The following OSBPL10 variants were observed in gnomAD, a reference collection of about 807,000 sequenced individuals.
OSBPL10 encodes the protein oxysterol-binding protein-related protein 10.
In OSBPL10, 49 loss-of-function variants were observed where a neutral mutation model predicts 81.7. That is an observed-to-expected ratio of 0.60 (90% CI 0.48 to 0.76). OSBPL10 has a LOEUF of 0.76. Ranked by LOEUF, OSBPL10 falls within the 30% of genes least tolerant of loss-of-function variation. OSBPL10 has a pLI of 0.00. For missense variants in OSBPL10, 923 were observed against 987.8 expected (o/e 0.93, Z 0.88); for synonymous variants, 419 against 383.6 (o/e 1.09, Z -1.08).
chr3:31,833,482 C>G (rs1316562965), intron 3 of OSBPL10, among the ~76,000 whole-genome samples: 2 of 152,146 alleles, frequency 1.3e-5, no homozygotes, highest in South Asian at 2.1e-4. Context: ...GCTGCATGGA[C>G]AAAGTTTGTT....
chr3:31,766,657 T>C (rs919040613), intron 4 of OSBPL10, among the ~76,000 whole-genome samples: 1 of 152,138 alleles, frequency 6.6e-6, no homozygotes, highest in African/African-American at 2.4e-5. Flanking sequence ...AATTCTGACA[T>C]TCATGAGCTA....
chr3:31,672,775 G>A (rs1459342849), intron 8 of OSBPL10, among the ~76,000 whole-genome samples: 1 of 151,978 alleles, frequency 6.6e-6, no homozygotes, highest in East Asian at 1.9e-4. Context: ...ATGTGATTAG[G>A]GGCCTCAATC....
At chr3:32,055,516 A>G (rs976164035) in intron 1 of OSBPL10, among the ~76,000 whole-genome samples, 2 of 151,984 alleles carry the variant, frequency 1.3e-5, no homozygotes. Flanking sequence ...AGTAAAGTAT[A>G]CTCCTATAAA....
intron 3 of OSBPL10, among the ~76,000 whole-genome samples, chr3:31,869,869 G>T (rs948195707): frequency 6.6e-6 from 1 of 152,214 alleles, no homozygotes; most frequent in South Asian, 2.1e-4. Context: ...CTAGTATAAA[G>T]TATTAATTAT....
At chr3:31,947,850 G>C (rs990809026) in intron 1 of OSBPL10, among the ~76,000 whole-genome samples, 1 of 152,222 alleles carries the variant, frequency 6.6e-6, no homozygotes, top group Non-Finnish European at 1.5e-5. Flanking sequence ...GGAGAAACTG[G>C]AAGAAGGTGA....
intron 4 of OSBPL10, among the ~76,000 whole-genome samples, chr3:31,754,742 G>A (rs1697837166): frequency 1.3e-5 from 2 of 152,088 alleles, no homozygotes; most frequent in Admixed American, 1.3e-4. Context: ...AGCAGCCAGA[G>A]GCAATGAATA....
chr3:31,725,679 A>G (rs1478363354), intron 6 of OSBPL10, among the ~76,000 whole-genome samples: 2 of 152,202 alleles, frequency 1.3e-5, no homozygotes, highest in African/African-American at 4.8e-5. Context: ...CCATGGATGA[A>G]TCTTTCATCA....
At chr3:31,761,739 C>T (rs1265953339) in intron 4 of OSBPL10, among the ~76,000 whole-genome samples, 10 of 147,692 alleles carry the variant, frequency 6.8e-5, no homozygotes, top group Admixed American at 6.7e-4. Flanking sequence ...CACTTGAACC[C>T]AGGAGGTGGA....
chr3:31,794,061 G>A (rs1298684671), intron 4 of OSBPL10, among the ~76,000 whole-genome samples: 2 of 152,192 alleles, frequency 1.3e-5, no homozygotes, highest in African/African-American at 4.8e-5. Flanking sequence ...TCAGAAGGTG[G>A]AGGGGACTTG....
At chr3:32,057,691 C>T (rs1050583160) in intron 1 of OSBPL10, among the ~76,000 whole-genome samples, 6 of 152,220 alleles carry the variant, frequency 3.9e-5, no homozygotes, top group Non-Finnish European at 7.3e-5. Context: ...CCTGGTCTCT[C>T]CTTTGACTTG....
At chr3:31,842,247 A>C (rs112987021) in intron 3 of OSBPL10, among the ~76,000 whole-genome samples, 2 of 152,256 alleles carry the variant, frequency 1.3e-5, no homozygotes, top group African/African-American at 4.8e-5. Flanking sequence ...TGATGTCTCC[A>C]TATCACCTTA....
intron 1 of OSBPL10, among the ~76,000 whole-genome samples, chr3:31,882,661 G>GCA: frequency 6.6e-6 from 1 of 152,154 alleles, no homozygotes; most frequent in East Asian, 1.9e-4. Flanking sequence ...GCAGAAGTGT[G>GCA]CACACACGCA....
intron 5 of OSBPL10, among the ~76,000 whole-genome samples, chr3:31,740,945 C>A (rs1697329596): frequency 6.8e-6 from 1 of 147,034 alleles, no homozygotes; most frequent in African/African-American, 2.7e-5. Context: ...ACATGAAAAG[C>A]AGTATGGAAA....
At chr3:31,765,190 GTGTTT>G (rs1479161436) in intron 4 of OSBPL10, among the ~76,000 whole-genome samples, 2 of 151,318 alleles carry the variant, frequency 1.3e-5, no homozygotes, top group African/African-American at 2.4e-5. Context: ...ACTAATTTTT[GTGTTT>G]TGTTTTGTTT....
intron 8 of OSBPL10, among the ~76,000 whole-genome samples, chr3:31,678,087 CAAAA>C (rs1174037204): frequency 1.0e-4 from 8 of 76,656 alleles, no homozygotes; most frequent in Non-Finnish European, 1.5e-4. Context: ...GACTCCGTCT[CAAAA>C]AAAAAAAAAA....
chr3:31,720,100 A>G (rs1696586692), intron 6 of OSBPL10, among the ~76,000 whole-genome samples: 1 of 150,676 alleles, frequency 6.6e-6, no homozygotes, highest in South Asian at 2.1e-4. Context: ...TGCTGTAAAA[A>G]CAAATTTCCC....
At chr3:31,746,939 C>T (rs181998778) in intron 5 of OSBPL10, among the ~76,000 whole-genome samples, 2 of 151,884 alleles carry the variant, frequency 1.3e-5, no homozygotes, top group African/African-American at 2.4e-5. Context: ...CAAACCTGCA[C>T]GTTGTGCACA....
intron 7 of OSBPL10, chr3:31,700,417 T>C (rs1388206164): frequency 6.6e-6 from 1 of 152,202 alleles, no homozygotes; most frequent in Admixed American, 6.5e-5. Flanking sequence ...ATATCTGACC[T>C]TGGCAATTTC....
In OSBPL10 at chr3:31,879,805, C is replaced by T; in HGVS notation, c.307G>A (p.Gly103Ser). ...NRYFVLDFEA[G>S]ILQYFVNEQS... ...TCATTCACAAAATACTGCAGGATGC[C>T]AGCCTCGAAATCCAGTACGAAGTAC... Residue 103 changes from glycine (G) to serine (S), a missense_variant, in exon 2 of 12, where the codon GGC becomes AGC. Physicochemically the swap from Gly to Ser is moderately conservative, Grantham distance 56 (BLOSUM62 0). Around this residue, in one of 3 missense-constraint regions of OSBPL10, gnomAD observed 514 missense variants for 508.0 expected, o/e 1.01. Transcript: ENST00000396556. 1 of 1,614,020 alleles carries T rather than the reference C, an allele frequency of 6.2e-7. No individual in the cohort carries two copies. Among genetic ancestry groups the T allele is most frequent in the Non-Finnish European group, 8.5e-7 (1 of 1,179,974 alleles).
Sources: gnomAD v4.1 joint callset for allele counts (sites outside exome capture counted in the v4.1 genomes callset) on GRCh38, gnomAD v4.1.1 for gene constraint, gnomAD v4.1.1 regional missense constraint, MANE v1.5 for transcripts, NCBI Gene and HGNC (gene_info 2026-07-23, HGNC 2026-07-21) for gene names.